The following CDK5RAP2 variants were observed in gnomAD, a reference collection of about 807,000 sequenced individuals.
CDK5RAP2 encodes the protein CDK5 regulatory subunit-associated protein 2.
CDK5RAP2 carries 147 observed loss-of-function variants against 232.9 expected under a neutral mutation model. The ratio of observed to expected loss-of-function variants is 0.63; its 90% CI spans 0.55 to 0.72. The LOEUF is 0.72. CDK5RAP2 is among the 30% of genes least tolerant of loss of function. The pLI, the probability that CDK5RAP2 is intolerant of heterozygous loss-of-function variation, is 0.00. For missense variants in CDK5RAP2, 2,195 were observed against 2,231.5 expected, an observed-to-expected ratio of 0.98 and a Z score of 0.33; for synonymous variants, 833 against 833.7, an observed-to-expected ratio of 1.00 and a Z score of 0.01.
At chr9:120,391,750 T>C (rs980491463) in intron 36 of CDK5RAP2, among the ~76,000 whole-genome samples, 9 of 152,294 alleles carry the variant, frequency 5.9e-5, no homozygotes, top group Non-Finnish European at 1.0e-4. Flanking sequence ...GCCCTGGCCT[T>C]TGCTCTTCCC....
At chr9:120,419,215 C>G (rs2131365736) in intron 27 of CDK5RAP2, among the ~76,000 whole-genome samples, 1 of 152,302 alleles carries the variant, frequency 6.6e-6, no homozygotes, top group East Asian at 1.9e-4. Context: ...ACTTCCTAGC[C>G]TTTAGAACTG....
At position 120,539,153 on chromosome 9, in the gene CDK5RAP2, T is replaced by C; in HGVS notation, c.395A>G (p.Glu132Gly). ...QLLIKASKAV[E>G]SLAEAGGSEI... ...AGAGCCACCTGCTTCAGCTAAGCTCTCAACTGCTTTGCTGCAAAAAGAGGC... is the reference window on the plus strand; with the variant it reads ...AGAGCCACCTGCTTCAGCTAAGCTCCCAACTGCTTTGCTGCAAAAAGAGGC... The change falls in exon 6 of 38, where the codon GAG becomes GGG. Residue 132 changes from glutamate to glycine, a missense_variant. Coordinates refer to ENST00000349780, the MANE Select transcript of CDK5RAP2 (RefSeq NM_018249.6). 1 of 1,613,944 alleles carries C rather than the reference T, an allele frequency of 6.2e-7. No homozygotes were observed. The highest frequency in any genetic ancestry group is 8.5e-7 in the Non-Finnish European group (1 of 1,179,840).
At chr9:120,407,570 T>C in intron 31 of CDK5RAP2, 1 of 368,406 alleles carries the variant, frequency 2.7e-6, no homozygotes, top group Non-Finnish European at 5.1e-6. Flanking sequence ...TGAAAGGGGA[T>C]GATTTTAAGA....
intron 12 of CDK5RAP2, among the ~76,000 whole-genome samples, chr9:120,508,449 G>A (rs185304499): frequency 2.0e-5 from 3 of 152,290 alleles, no homozygotes; most frequent in East Asian, 3.9e-4. Context: ...AAAACTTAGA[G>A]GCCACCAGAA....
chr9:120,402,835 T>C lies in CDK5RAP2; in HGVS notation c.5278A>G (p.Ser1760Gly). The C allele has an allele frequency of 3.1e-6, 5 of 1,614,132 alleles. No individual in the cohort carries two copies. Among genetic ancestry groups the C allele is most frequent in the Non-Finnish European group, 3.4e-6 (4 of 1,180,030 alleles). ...EMDIQTQEAP[S>G]STSQELGTKG... ...GTTCCCAGCTCTTGACTTGTGGAGCTGGGAGCCTCTTGGGTTTGAATGTCC... is the reference window on the plus strand; with the variant it reads ...GTTCCCAGCTCTTGACTTGTGGAGCCGGGAGCCTCTTGGGTTTGAATGTCC... Residue 1760 changes from serine to glycine, a missense_variant, in exon 34 of 38, where the codon AGC (serine) becomes GGC (glycine). Ser to Gly is a moderately conservative substitution (Grantham distance 56). Transcript: ENST00000349780.
chr9:120,568,268 C>G, intron 3 of CDK5RAP2, 53 bp downstream of exon 3: 1 of 1,360,470 alleles, frequency 7.4e-7, no homozygotes, highest in South Asian at 1.2e-5. Context: ...TCTGGCTGGA[C>G]AGTGGCAGCA....
At chr9:120,574,783 A>G (rs940094630) in intron 1 of CDK5RAP2, among the ~76,000 whole-genome samples, 2 of 147,178 alleles carry the variant, frequency 1.4e-5, no homozygotes, top group Non-Finnish European at 3.0e-5. Context: ...AATCCTCACT[A>G]TAGTCTTTCT....
At chr9:120,516,679 A>C (rs1228021111) in intron 12 of CDK5RAP2, among the ~76,000 whole-genome samples, 1 of 152,108 alleles carries the variant, frequency 6.6e-6, no homozygotes, top group African/African-American at 2.4e-5. Context: ...TAAAAATTAA[A>C]TTAGCTGGGC....
chr9:120,477,570 C>T (rs890297802), intron 14 of CDK5RAP2, 120 bp from the exon 15 acceptor site: 38 of 803,454 alleles, frequency 4.7e-5, no homozygotes. Flanking sequence ...TGAGAGAGGC[C>T]CTGTGCCTGG....
rs772145916 is a variant in CDK5RAP2 at position 120,518,543 on chromosome 9, T to C, written c.1195A>G (p.Arg399Gly). ...TKSTENHRLR[R>G]SIKKITQELS... is the part of the protein sequence containing the mutation. ...TCCTGGGTGATCTTCTTAATGCTTC[T>C]ACGCAGTCTGTGGTTCTCTGTACTC... Residue 399 changes from arginine to glycine, a missense_variant, in exon 12 of 38, where the codon AGA becomes GGA. Coordinates refer to ENST00000349780, the MANE Select transcript of CDK5RAP2 (RefSeq NM_018249.6). The C allele has an allele frequency of 2.5e-6, 4 of 1,613,862 alleles. No individual in the cohort carries two copies. Among genetic ancestry groups the C allele is most frequent in the Non-Finnish European group, 8.5e-7 (1 of 1,179,994 alleles).
chr9:120,551,309 C>T (rs2042033320), intron 3 of CDK5RAP2, among the ~76,000 whole-genome samples: 1 of 152,134 alleles, frequency 6.6e-6, no homozygotes, highest in African/African-American at 2.4e-5. Context: ...ATCAGCAGCA[C>T]TAAAAGCATT....
intron 4 of CDK5RAP2, among the ~76,000 whole-genome samples, chr9:120,546,568 C>T (rs1349992407): frequency 1.3e-5 from 2 of 152,160 alleles, no homozygotes; most frequent in African/African-American, 2.4e-5. Flanking sequence ...TTGGGTGCAT[C>T]GTTTGTGGAA....
intron 4 of CDK5RAP2, among the ~76,000 whole-genome samples, chr9:120,547,716 G>A (rs2041901726): frequency 6.6e-6 from 1 of 152,174 alleles, no homozygotes; most frequent in Non-Finnish European, 1.5e-5. Flanking sequence ...GTACAGCCAT[G>A]ACAGTAAGGT....
At chr9:120,417,351 G>A (rs2034290383) in intron 27 of CDK5RAP2, among the ~76,000 whole-genome samples, 1 of 152,168 alleles carries the variant, frequency 6.6e-6, no homozygotes, top group Admixed American at 6.5e-5. Flanking sequence ...GGCGCCCACG[G>A]CACTGCACCT....
chr9:120,494,090 TAA>T (rs532352159), intron 12 of CDK5RAP2, among the ~76,000 whole-genome samples: 28 of 119,180 alleles, frequency 2.3e-4, no homozygotes, highest in Non-Finnish European at 2.3e-4. Flanking sequence ...AGACTCAGTT[TAA>T]AAAAAAAAAA....
chr9:120,440,193 T>C (rs1371724894), intron 23 of CDK5RAP2: 3 of 587,844 alleles, frequency 5.1e-6, no homozygotes, highest in Non-Finnish European at 9.1e-6. Context: ...ACCCCTCAGT[T>C]GTCCTCTTCC....
intron 28 of CDK5RAP2, among the ~76,000 whole-genome samples, chr9:120,413,991 G>A (rs184220597): frequency 1.3e-5 from 2 of 152,316 alleles, no homozygotes; most frequent in East Asian, 3.9e-4. Context: ...CCAAGGACTC[G>A]GGTGCTGCTG....
intron 26 of CDK5RAP2, 71 bp from the exon 27 acceptor site, chr9:120,420,031 A>G: frequency 4.9e-6 from 6 of 1,221,912 alleles, no homozygotes; most frequent in Non-Finnish European, 6.1e-6. Flanking sequence ...TGACTTACGA[A>G]TACTTACGAT....
At chr9:120,536,715 G>T in intron 6 of CDK5RAP2, 189 bp from the exon 7 acceptor site, 1 of 689,698 alleles carries the variant, frequency 1.4e-6, no homozygotes, top group Non-Finnish European at 2.6e-6. Context: ...CTTGTATCCT[G>T]AAGCATAACA....
Sources: gnomAD v4.1 joint callset for allele counts (sites outside exome capture counted in the v4.1 genomes callset) on GRCh38, gnomAD v4.1.1 for gene constraint, MANE v1.5 for transcripts, NCBI Gene and HGNC (gene_info 2026-07-23, HGNC 2026-07-21) for gene names.